TUB: variants seen among roughly 807,000 people sequenced by gnomAD.
The protein encoded by TUB is TUB bipartite transcription factor, also known as tubby protein homolog.
A neutral mutation model predicts 59.7 loss-of-function variants in TUB; 33 were observed. The ratio of observed to expected loss-of-function variants is 0.55; its 90% CI spans 0.42 to 0.74. The LOEUF is 0.74. TUB is among the 30% of genes least tolerant of loss of function. TUB has a pLI of 0.00. For synonymous variants in TUB, 293 were observed against 256.4 expected (o/e 1.14, Z -1.36); for missense variants, 659 against 672.0 (o/e 0.98, Z 0.21).
chr11:8,049,939 C>T (rs1045647058), intron 2 of TUB, among the ~76,000 whole-genome samples: 2 of 152,116 alleles, frequency 1.3e-5, no homozygotes, highest in African/African-American at 4.8e-5. Context: ...ACTACCCAGA[C>T]CAAGAAACAC....
At position 8,031,920 on chromosome 11, in the gene TUB, C is replaced by A. The variant is rs532042363; in HGVS notation, c.56+12562C>A. Among the ~76,000 whole-genome samples the A allele has an allele frequency of 2.2e-4, 34 of 152,306 alleles. 2 individuals carry two copies. Among genetic ancestry groups the A allele is most frequent in the Admixed American group, 1.4e-3 (21 of 15,304 alleles). Reference sequence around the variant, plus strand: ...CCCCCTCGGGCCACTTCGCCTTCCGCGGGGTGTCATCTGTCTGGCGGCGTG... The same window carrying A: ...CCCCCTCGGGCCACTTCGCCTTCCGAGGGGTGTCATCTGTCTGGCGGCGTG... On this transcript the variant is annotated intron_variant, in intron 1 of 11. Coordinates refer to the TUB transcript ENST00000534099.
Position 8,047,581 on chromosome 11 carries a change from C to T in TUB, c.203+7889C>T, listed in dbSNP as rs146977838. On this transcript the variant is annotated intron_variant, in intron 2 of 12. Transcript: ENST00000305253. ...GCCTGGAGTCCCAATAGCAGAAGGGCTCTGTGCAGCAGGGCCTTCCTCCTA... is the reference window on the plus strand; with the variant it reads ...GCCTGGAGTCCCAATAGCAGAAGGGTTCTGTGCAGCAGGGCCTTCCTCCTA... Among the ~76,000 whole-genome samples, 7 of 152,340 alleles carry T rather than the reference C, an allele frequency of 4.6e-5. No individual in the cohort carries two copies. In the East Asian group the frequency reaches 1.3e-3, roughly 29 times the overall value.
At chr11:8,051,272 A>C (rs1942931420) in intron 2 of TUB, among the ~76,000 whole-genome samples, 1 of 152,206 alleles carries the variant, frequency 6.6e-6, no homozygotes, top group Non-Finnish European at 1.5e-5. Flanking sequence ...GACATTGTGT[A>C]AACTGTTTTG....
intron 2 of TUB, among the ~76,000 whole-genome samples, chr11:8,071,134 G>A (rs954285949): frequency 1.1e-4 from 17 of 152,078 alleles, no homozygotes; most frequent in African/African-American, 3.1e-4. Context: ...TCTTTTTCAC[G>A]GAGAGGGTGG....
chr11:8,049,051 G>A (rs554126975), intron 2 of TUB, among the ~76,000 whole-genome samples: 23 of 152,302 alleles, frequency 1.5e-4, no homozygotes, highest in African/African-American at 5.3e-4. Flanking sequence ...GGCAGGATTT[G>A]AACCCAAGTC....
At chr11:8,032,844 C>T (rs550895955) in intron 1 of TUB, among the ~76,000 whole-genome samples, 1 of 152,294 alleles carries the variant, frequency 6.6e-6, no homozygotes, top group South Asian at 2.1e-4. Context: ...TGAGGGAGGA[C>T]CTTTGCCTGA....
intron 2 of TUB, among the ~76,000 whole-genome samples, chr11:8,058,232 A>AG (rs1300996916): frequency 6.6e-6 from 1 of 151,734 alleles, no homozygotes; most frequent in Admixed American, 6.6e-5. Context: ...AAAAAAAAAA[A>AG]AAAAAGAAGC....
chr11:8,033,833 T>A (rs1942609393), upstream of TUB, among the ~76,000 whole-genome samples: 1 of 152,226 alleles, frequency 6.6e-6, no homozygotes, highest in Admixed American at 6.5e-5. Flanking sequence ...TCAGAATGTA[T>A]CCTGGGGAGA....
chr11:8,060,318 C>T (rs1943099195), intron 2 of TUB, among the ~76,000 whole-genome samples: 1 of 152,134 alleles, frequency 6.6e-6, no homozygotes, highest in South Asian at 2.1e-4. Context: ...ATGCCAGGTC[C>T]CTCCGTACAG....
intron 2 of TUB, chr11:8,039,750 T>C: frequency 7.1e-7 from 1 of 1,411,622 alleles, no homozygotes; most frequent in Non-Finnish European, 9.3e-7. Context: ...CACAGGAGAC[T>C]GTGAGGGAGG....
chr11:8,078,336 C>T (rs1943483245), upstream of TUB, among the ~76,000 whole-genome samples: 1 of 152,124 alleles, frequency 6.6e-6, no homozygotes, highest in Non-Finnish European at 1.5e-5. Context: ...GTGAGGGAGG[C>T]ATGTTGGGAT....
intron 4 of TUB, 118 bp downstream of exon 4, chr11:8,094,307 A>G (rs1943888822): frequency 2.3e-6 from 3 of 1,303,260 alleles, no homozygotes; most frequent in Non-Finnish European, 2.1e-6. Context: ...CAGGGAAGAC[A>G]CAGACTGCCA....
intron 4 of TUB, among the ~76,000 whole-genome samples, chr11:8,094,874 T>A (rs1030156126): frequency 5.9e-5 from 9 of 152,242 alleles, no homozygotes; most frequent in Non-Finnish European, 1.0e-4. Context: ...GGCCGAGCAC[T>A]CTGGGCATAG....
chr11:8,101,417 T>C (rs1944297295), intron 11 of TUB, 69 bp from the exon 12 acceptor site: 3 of 1,594,796 alleles, frequency 1.9e-6, no homozygotes, highest in Admixed American at 1.7e-5. Flanking sequence ...TGGGTGTCTG[T>C]CTATCCTTCC....
intron 2 of TUB, among the ~76,000 whole-genome samples, chr11:8,044,152 A>G (rs555981987): frequency 1.2e-4 from 18 of 152,266 alleles, no homozygotes; most frequent in African/African-American, 4.3e-4. Flanking sequence ...AACATTGGGC[A>G]TTATTTCTTC....
At chr11:8,030,582 TG>T (rs1288679334) in intron 1 of TUB, among the ~76,000 whole-genome samples, 1 of 151,610 alleles carries the variant, frequency 6.6e-6, no homozygotes, top group Non-Finnish European at 1.5e-5. Context: ...TGTTGGGGAG[TG>T]GGGTTCAGAA....
chr11:8,049,455 C>T (rs1942890898), intron 2 of TUB, among the ~76,000 whole-genome samples: 1 of 151,936 alleles, frequency 6.6e-6, no homozygotes, highest in Non-Finnish European at 1.5e-5. Context: ...GAACCACTGG[C>T]CGAGGCCCAG....
rs192970080 is a variant in TUB at position 8,084,525 on chromosome 11, G to A, written c.38+2977G>A. Among the ~76,000 whole-genome samples, 656 of 152,326 alleles carry A rather than the reference G, an allele frequency of 4.3e-3. 9 individuals carry two copies. Among genetic ancestry groups the A allele is most frequent in the African/African-American group, 0.015 (627 of 41,580 alleles). The stretch of plus-strand genomic sequence containing the variant: ...GTCAGGAAGGACTGCGGCCCACGGC[G>A]TATTGGAGGACTATGCTGGGTGGGA... On this transcript the variant is annotated intron_variant, in intron 1 of 11. Coordinates refer to ENST00000299506, the MANE Select transcript of TUB (RefSeq NM_177972.3).
chr11:8,080,822 C>G (rs899777764), upstream of TUB, among the ~76,000 whole-genome samples: 3 of 152,172 alleles, frequency 2.0e-5, no homozygotes, highest in African/African-American at 4.8e-5. Flanking sequence ...CGCTTCGGCC[C>G]GGAGGTTCCC....
Sources: allele counts gnomAD v4.1 joint callset (sites outside exome capture counted in the v4.1 genomes callset), GRCh38; gene constraint gnomAD v4.1.1; transcripts MANE v1.5; gene names NCBI Gene and HGNC (gene_info 2026-07-23, HGNC 2026-07-21).